Variants in ABR observed in about 807,000 individuals in gnomAD.
The protein encoded by ABR is ABR activator of RhoGEF and GTPase.
ABR carries 35 observed loss-of-function variants against 107.2 expected under a neutral mutation model. The observed-to-expected ratio is 0.33, with a 90% CI of 0.25 to 0.43. ABR has a LOEUF of 0.43. Among genes scored for constraint, ABR ranks in the 20% least tolerant of loss-of-function variants. ABR has a pLI of 1.00. For missense variants in ABR, 815 were observed against 1,115.2 expected, an observed-to-expected ratio of 0.73 and a Z score of 3.83; for synonymous variants, 498 against 462.0, an observed-to-expected ratio of 1.08 and a Z score of -1.00.
At chr17:1,101,969 G>A (rs375191655) in intron 2 of ABR, among the ~76,000 whole-genome samples, 22 of 151,964 alleles carry the variant, frequency 1.4e-4, no homozygotes, top group East Asian at 3.9e-4. Context: ...TCCTGACCTC[G>A]TGATCCGCCC....
At chr17:1,074,098 C>T (rs1172801965) in intron 6 of ABR, among the ~76,000 whole-genome samples, 6 of 150,380 alleles carry the variant, frequency 4.0e-5, no homozygotes, top group African/African-American at 1.5e-4. Context: ...TCACACAGCT[C>T]CACCCAGCCA....
chr17:1,134,241 C>T (rs190816474), intron 1 of ABR, among the ~76,000 whole-genome samples: 2 of 152,160 alleles, frequency 1.3e-5, no homozygotes, highest in Non-Finnish European at 1.5e-5. Flanking sequence ...GATGAAACCC[C>T]GTCTGTACTA....
At chr17:1,041,498 G>C (rs1054156030) in intron 16 of ABR, among the ~76,000 whole-genome samples, 3 of 152,040 alleles carry the variant, frequency 2.0e-5, no homozygotes, top group African/African-American at 7.2e-5. Flanking sequence ...ACTTTGGGAG[G>C]CTGAGGCGGG....
chr17:1,010,998 G>C lies in ABR; in HGVS notation c.2102-135C>G. On this transcript the variant is annotated intron_variant, in intron 19 of 22. Transcript: ENST00000302538. The surrounding 1 kb of genome is among the most constrained non-coding windows in gnomAD (Gnocchi z 4.1). ...CCCCTGGAAGAGCAGGATGTAGAGA[G>C]GGCCCACAGGTGTCTGTGACTCGGC... 2.5e-6 allele frequency: 3 copies of C among 1,178,486 alleles called. No homozygotes were observed. The highest frequency in any genetic ancestry group is 3.6e-6 in the Non-Finnish European group (3 of 831,864). The allele number at this position is 1,178,486 out of a possible 1,614,324, so 73.0% of individuals were successfully genotyped here. A position where few individuals can be genotyped will look rare whatever the true frequency, so the allele number is the denominator to read the frequency against.
At chr17:1,115,474 T>G (rs1199147642) in intron 2 of ABR, 1 of 152,302 alleles carries the variant, frequency 6.6e-6, no homozygotes, top group Non-Finnish European at 1.5e-5. Flanking sequence ...CAATGGGAAC[T>G]GACACCAAAG....
chr17:1,025,119 C>CAAAAAAAAAAAAAAA (rs71272843), intron 16 of ABR, among the ~76,000 whole-genome samples: 8 of 37,702 alleles, frequency 2.1e-4, no homozygotes, highest in East Asian at 6.8e-4. Context: ...GACTCCGTCT[C>CAAAAAAAAAAAAAAA]AAAAAAAAAA....
At chr17:1,018,248 T>C (rs11247573) in intron 16 of ABR, among the ~76,000 whole-genome samples, 5,827 of 151,620 alleles carry the variant, frequency 0.038, 238 homozygotes, top group East Asian at 0.18. Flanking sequence ...TTCACCGTGT[T>C]AGCCAGGATG....
rs1360185138 is a variant in ABR, at chr17:1,065,223, A to G, written c.1182+1854T>C. ...GAGGGCTATGCATGTTCCTCTAGACACTGCTGTTACGTGAACTGAGGGCTA... is the reference window on the plus strand; with the variant it reads ...GAGGGCTATGCATGTTCCTCTAGACGCTGCTGTTACGTGAACTGAGGGCTA... On this transcript the variant is annotated intron_variant, in intron 10 of 22. Coordinates refer to ENST00000302538, the MANE Select transcript of ABR (RefSeq NM_021962.5). 5.1e-4 allele frequency among the ~76,000 whole-genome samples: 4 copies of G among 7,778 alleles called. 2 individuals are homozygous for G. The highest frequency in any genetic ancestry group is 0.033 in the East Asian group (2 of 60). 5.1% of individuals were successfully genotyped at this position (7,778 alleles called of 152,430 possible).
At chr17:1,038,676 C>T (rs1339792328) in intron 16 of ABR, among the ~76,000 whole-genome samples, 1 of 152,192 alleles carries the variant, frequency 6.6e-6, no homozygotes, top group Admixed American at 6.5e-5. Flanking sequence ...ACGGCAAGGG[C>T]GGGGCTGGCC....
chr17:1,174,431 C>G (rs995744691), intron 1 of ABR, among the ~76,000 whole-genome samples: 2 of 152,134 alleles, frequency 1.3e-5, no homozygotes, highest in Admixed American at 6.6e-5. Context: ...GCTGTCAGAC[C>G]AGTGGCTTGG....
rs113550876 is a variant in ABR, at chr17:1,148,438, G to C, written c.62-23071C>G. On this transcript the variant is annotated intron_variant, in intron 1 of 22. Transcript: ENST00000302538. The surrounding 1 kb of genome is among the most constrained non-coding windows in gnomAD (Gnocchi z 4.9). ...GGTGGTGGCCAGGAGCTGGGGGCTG[G>C]AGAAACGGGGAGCTGTTGTTCAATA... Among the ~76,000 whole-genome samples the C allele has an allele frequency of 4.6e-5, 7 of 152,244 alleles. No individual in the cohort carries two copies. Among genetic ancestry groups the C allele is most frequent in the Middle Eastern group, 3.4e-3 (1 of 294 alleles).
rs2073292109 is a variant in ABR, at chr17:1,037,586, G to A, written c.1791+12464C>T. Among the ~76,000 whole-genome samples the A allele has an allele frequency of 6.6e-6, 1 of 152,200 alleles. No homozygotes were observed. On this transcript the variant is annotated intron_variant, in intron 16 of 22. Transcript: ENST00000302538. The surrounding 1 kb of genome is among the most constrained non-coding windows in gnomAD (Gnocchi z 4.6). ...TTATCTAGAACAAAACTCACCCAGG[G>A]ACAGAGTGGGCAGGGCGTGGCCCCT...
intron 1 of ABR, among the ~76,000 whole-genome samples, chr17:1,162,577 T>C (rs541221794): frequency 3.7e-4 from 56 of 152,338 alleles, no homozygotes; most frequent in South Asian, 1.9e-3. Flanking sequence ...GCCCTCACCC[T>C]GCCCACATTT....
intron 1 of ABR, among the ~76,000 whole-genome samples, chr17:1,204,325 A>G (rs1332646545): frequency 2.6e-5 from 4 of 152,166 alleles, no homozygotes; most frequent in Admixed American, 6.5e-5. Flanking sequence ...CGCGCCTGTA[A>G]TCCCAGCTAC....
intron 5 of ABR, among the ~76,000 whole-genome samples, chr17:1,082,670 G>A (rs977388380): frequency 3.9e-5 from 6 of 152,198 alleles, no homozygotes; most frequent in African/African-American, 1.4e-4. Flanking sequence ...ACGACCTATA[G>A]TCCAAATTTC....
chr17:1,110,104 G>A (rs2038581355), intron 2 of ABR, among the ~76,000 whole-genome samples: 2 of 150,830 alleles, frequency 1.3e-5, no homozygotes, highest in Admixed American at 6.6e-5. Flanking sequence ...CAAGGGGAGT[G>A]CACACAGAAC....
intron 1 of ABR, among the ~76,000 whole-genome samples, chr17:1,165,721 C>CG (rs367949792): frequency 5.1e-4 from 78 of 152,200 alleles, no homozygotes; most frequent in African/African-American, 1.8e-3. Flanking sequence ...TTAGTAGAGA[C>CG]GGGGTTTCAC....
At chr17:1,124,747 C>T (rs1422194986) in intron 2 of ABR, among the ~76,000 whole-genome samples, 2 of 152,230 alleles carry the variant, frequency 1.3e-5, no homozygotes, top group Non-Finnish European at 2.9e-5. Context: ...ATTGCACCCA[C>T]AGGGAGCACC....
intron 1 of ABR, among the ~76,000 whole-genome samples, chr17:1,146,770 TGCCACCAG>T (rs1462402266): frequency 9.3e-6 from 1 of 107,410 alleles, no homozygotes; most frequent in East Asian, 3.4e-4. Flanking sequence ...ATGACACCAC[TGCCACCAG>T]GCCACCACTG....
Sources: allele counts gnomAD v4.1 joint callset (sites outside exome capture counted in the v4.1 genomes callset), GRCh38; gene constraint gnomAD v4.1.1; non-coding constraint Gnocchi (gnomAD v3.1); transcripts MANE v1.5; gene names NCBI Gene and HGNC (gene_info 2026-07-23, HGNC 2026-07-21).